The following SMAD6 variants were observed in gnomAD, a reference collection of about 807,000 sequenced individuals.
The protein encoded by SMAD6 is SMAD family member 6, also known as MAD homolog 6.
In SMAD6, 103 loss-of-function variants were observed where a neutral mutation model predicts 39.4. The ratio of observed to expected loss-of-function variants is 2.62; its 90% CI spans 2.23 to 3.08. SMAD6 has a LOEUF of 3.08. SMAD6 is among the 30% of genes most tolerant of loss of function. The pLI, the probability that SMAD6 is intolerant of heterozygous loss-of-function variation, is 0.00. For synonymous variants in SMAD6, 445 were observed against 353.3 expected (o/e 1.26, Z -2.91); for missense variants, 1,104 against 742.9 (o/e 1.49, Z -5.65).
rs932383465 is a variant in SMAD6 at position 66,781,533 on chromosome 15, T to C, written c.1489T>C (p.Ter497GlnextTer45). 4.6e-6 allele frequency: 7 copies of C among 1,516,946 alleles called. No homozygotes were observed. The highest frequency in any genetic ancestry group is 2.2e-5 in the Admixed American group (1 of 45,874). 94.0% of individuals were successfully genotyped at this position (1,516,946 alleles called of 1,614,324 possible). A position where few individuals can be genotyped will look rare whatever the true frequency, so the allele number is the denominator to read the frequency against. Residue 497 changes from the stop codon to glutamine (Q), a stop_lost, in exon 4 of 4, where the codon TAG (stop) becomes CAG (glutamine). Transcript: ENST00000288840. ...WLEILLNNPR[*>Q] The stretch of plus-strand genomic sequence containing the variant: ...GGAGATCCTCCTCAACAACCCCAGA[T>C]AGTGGCGGCCCCGGCGGGAGGGGCG...
intron 3 of SMAD6, among the ~76,000 whole-genome samples, chr15:66,762,742 C>T (rs1276773886): frequency 6.6e-6 from 1 of 151,866 alleles, no homozygotes; most frequent in Non-Finnish European, 1.5e-5. Flanking sequence ...TCAACTGTAC[C>T]GTTGATTAAG....
chr15:66,744,661 G>A (rs1045087650), intron 3 of SMAD6, among the ~76,000 whole-genome samples: 5 of 152,352 alleles, frequency 3.3e-5, no homozygotes, highest in South Asian at 2.1e-4. Context: ...GCCTAGAGCC[G>A]TGTTGTCATA....
chr15:66,754,490 C>T (rs1464617590), intron 3 of SMAD6, among the ~76,000 whole-genome samples: 2 of 152,194 alleles, frequency 1.3e-5, no homozygotes, highest in African/African-American at 2.4e-5. Flanking sequence ...TCAGTGAATG[C>T]GTGTGCCCAT....
intron 3 of SMAD6, among the ~76,000 whole-genome samples, chr15:66,766,154 G>T (rs1027968415): frequency 6.6e-6 from 1 of 152,188 alleles, no homozygotes; most frequent in African/African-American, 2.4e-5. Context: ...GAATGCAGAC[G>T]CTGGCAGCCT....
At chr15:66,773,950 G>A (rs1236426803) in intron 3 of SMAD6, among the ~76,000 whole-genome samples, 2 of 152,194 alleles carry the variant, frequency 1.3e-5, no homozygotes, top group East Asian at 3.9e-4. Context: ...GAGCCAGGGA[G>A]GTTGCTATGG....
rs56853022 is a variant in SMAD6 at position 66,739,089 on chromosome 15, CTT to C, written c.952+22606_952+22607del. Among the ~76,000 whole-genome samples the C allele has an allele frequency of 2.1e-3, 287 of 135,668 alleles. 2 individuals carry two copies. The highest frequency in any genetic ancestry group is 2.5e-3 in the Admixed American group (34 of 13,446). 89.0% of individuals were successfully genotyped at this position (135,668 alleles called of 152,430 possible). A position where few individuals can be genotyped will look rare whatever the true frequency, so the allele number is the denominator to read the frequency against. ...TTACCCAGGCCTTCTTTTTCTTCTT[CTT>C]TTTTTTTTTTTTTTATTGAGACGGA... On this transcript the variant is annotated intron_variant, in intron 3 of 3. Coordinates refer to ENST00000288840, the MANE Select transcript of SMAD6 (RefSeq NM_005585.5).
At chr15:66,714,674 G>A (rs946932008) in intron 2 of SMAD6, among the ~76,000 whole-genome samples, 3 of 152,206 alleles carry the variant, frequency 2.0e-5, no homozygotes, top group East Asian at 1.9e-4. Flanking sequence ...TGCAGATGGA[G>A]TTCTTCCTCC....
chr15:66,754,650 G>A (rs1479774841), intron 3 of SMAD6, among the ~76,000 whole-genome samples: 2 of 152,196 alleles, frequency 1.3e-5, no homozygotes, highest in Non-Finnish European at 2.9e-5. Flanking sequence ...GTTCAGCACA[G>A]AGTTGGGCAT....
rs552436141 is a variant in SMAD6, at chr15:66,744,144, A to G, written c.952+27646A>G. 1.7e-4 allele frequency among the ~76,000 whole-genome samples: 26 copies of G among 152,202 alleles called. No homozygotes were observed. In the South Asian group the frequency reaches 5.4e-3, roughly 32 times the overall value. ...TTTTCTCTCTCAGCTGCCCTGGAGGAGAGGGCCGGGATCCTGTAACTCACA... is the reference window on the plus strand; with the variant it reads ...TTTTCTCTCTCAGCTGCCCTGGAGGGGAGGGCCGGGATCCTGTAACTCACA... On this transcript the variant is annotated intron_variant, in intron 3 of 3. Transcript: ENST00000288840.
chr15:66,729,542 C>T (rs1046014682), intron 3 of SMAD6, among the ~76,000 whole-genome samples: 2 of 152,104 alleles, frequency 1.3e-5, no homozygotes, highest in Non-Finnish European at 2.9e-5. Flanking sequence ...GGCTTTGGAT[C>T]CTTGGATTTC....
At chr15:66,735,273 G>A (rs945971365) in intron 3 of SMAD6, among the ~76,000 whole-genome samples, 1 of 152,182 alleles carries the variant, frequency 6.6e-6, no homozygotes, top group East Asian at 1.9e-4. Context: ...TTTGGCCTCT[G>A]GTCTCTGTCC....
chr15:66,729,602 G>A (rs1893587617), intron 3 of SMAD6, among the ~76,000 whole-genome samples: 2 of 152,248 alleles, frequency 1.3e-5, no homozygotes, highest in South Asian at 4.1e-4. Context: ...CCAGGCGAGG[G>A]GGCGCCGGGC....
intron 3 of SMAD6, among the ~76,000 whole-genome samples, chr15:66,761,545 T>C (rs1894199085): frequency 6.6e-6 from 1 of 152,312 alleles, no homozygotes; most frequent in Admixed American, 6.5e-5. Flanking sequence ...AAATAATTCA[T>C]GTTGGCTGGA....
chr15:66,741,356 G>A (rs1893811984), intron 3 of SMAD6, among the ~76,000 whole-genome samples: 1 of 152,232 alleles, frequency 6.6e-6, no homozygotes, highest in Non-Finnish European at 1.5e-5. Flanking sequence ...TCACGTTTGA[G>A]GTGGATTGCC....
At chr15:66,746,408 G>A (rs981361459) in intron 3 of SMAD6, among the ~76,000 whole-genome samples, 4 of 152,166 alleles carry the variant, frequency 2.6e-5, no homozygotes, top group Non-Finnish European at 2.9e-5. Context: ...CCTCCCTGGC[G>A]AGCCAGCTCT....
rs991651072 is a variant in SMAD6, at chr15:66,781,395, G to A, written c.1351G>A (p.Glu451Lys). ...FERSGLQHAPEPDAADGPYDP... is the reference protein window; with the variant it reads ...FERSGLQHAPKPDAADGPYDP... Reference sequence around the variant, plus strand: ...GCGCTCGGGCCTGCAGCACGCGCCCGAGCCCGACGCCGCCGACGGCCCCTA... The same window carrying A: ...GCGCTCGGGCCTGCAGCACGCGCCCAAGCCCGACGCCGCCGACGGCCCCTA... The change falls in exon 4 of 4, where the codon GAG becomes AAG. Residue 451 changes from glutamate (E) to lysine (K), a missense_variant. By Grantham distance (56) the Glu-to-Lys change is moderately conservative. Coordinates refer to ENST00000288840, the MANE Select transcript of SMAD6 (RefSeq NM_005585.5). 6.9e-6 allele frequency: 11 copies of A among 1,602,272 alleles called. No individual in the cohort carries two copies. Among genetic ancestry groups the A allele is most frequent in the South Asian group, 2.2e-5 (2 of 90,942 alleles).
At chr15:66,709,150 G>C (rs1012902935) in intron 1 of SMAD6, among the ~76,000 whole-genome samples, 4 of 152,208 alleles carry the variant, frequency 2.6e-5, no homozygotes, top group African/African-American at 9.7e-5. Flanking sequence ...GGAGTCTAAA[G>C]CCTTCATACT....
In SMAD6 at chr15:66,774,415, G is replaced by A. The variant is rs78084973; in HGVS notation, c.953-6582G>A. The stretch of plus-strand genomic sequence containing the variant: ...CAGCACCCTCCCTGGGCAGAGAGGC[G>A]TAGAGAAAAGAATGCCAGCCATCAG... On this transcript the variant is annotated intron_variant, in intron 3 of 3. Coordinates refer to ENST00000288840, the MANE Select transcript of SMAD6 (RefSeq NM_005585.5). Among the ~76,000 whole-genome samples, 216 of 152,282 alleles carry A rather than the reference G, an allele frequency of 1.4e-3. No homozygotes were observed. In the East Asian group the frequency reaches 0.025, roughly 17 times the overall value.
Position 66,779,071 on chromosome 15 carries a change from G to C in SMAD6, c.953-1926G>C, listed in dbSNP as rs551595757. 8.5e-5 allele frequency among the ~76,000 whole-genome samples: 13 copies of C among 152,332 alleles called. No individual in the cohort carries two copies. In the South Asian group the frequency reaches 1.0e-3, roughly 12 times the overall value. ...CTTGGGGACTCCCAGACCTGTGCCAGGTAGATGGCTGGGGAGAGGGGCACT... is the reference window on the plus strand; with the variant it reads ...CTTGGGGACTCCCAGACCTGTGCCACGTAGATGGCTGGGGAGAGGGGCACT... On this transcript the variant is annotated intron_variant, in intron 3 of 3. Coordinates refer to ENST00000288840, the MANE Select transcript of SMAD6 (RefSeq NM_005585.5).
Sources: allele counts gnomAD v4.1 joint callset (sites outside exome capture counted in the v4.1 genomes callset), GRCh38; gene constraint gnomAD v4.1.1; transcripts MANE v1.5; gene names NCBI Gene and HGNC (gene_info 2026-07-23, HGNC 2026-07-21).